PLCL1: variants seen among roughly 807,000 people sequenced by gnomAD.
The protein encoded by PLCL1 is inactive phospholipase C-like protein 1.
In PLCL1, 41 loss-of-function variants were observed where a neutral mutation model predicts 84.4. That is an observed-to-expected ratio of 0.49 (90% CI 0.38 to 0.63). The LOEUF is 0.63. Ranked by LOEUF, PLCL1 falls within the 30% of genes least tolerant of loss-of-function variation. PLCL1 has a pLI of 0.00. For synonymous variants in PLCL1, 490 were observed against 488.3 expected (o/e 1.00, Z -0.05); for missense variants, 1,206 against 1,367.8 (o/e 0.88, Z 1.87).
intron 1 of PLCL1, among the ~76,000 whole-genome samples, chr2:197,817,172 T>G (rs1399715264): frequency 6.6e-6 from 1 of 152,168 alleles, no homozygotes; most frequent in Non-Finnish European, 1.5e-5. Flanking sequence ...CTCTCTCTAG[T>G]ATTACAGCAC....
intron 1 of PLCL1, among the ~76,000 whole-genome samples, chr2:198,054,894 AG>A (rs1468474808): frequency 2.6e-5 from 4 of 152,230 alleles, no homozygotes; most frequent in Non-Finnish European, 5.9e-5. Context: ...ATGATCTCTG[AG>A]GGAGAGAAAT....
intron 1 of PLCL1, among the ~76,000 whole-genome samples, chr2:198,026,630 A>C (rs193083641): frequency 7.0e-4 from 106 of 152,338 alleles, no homozygotes; most frequent in Admixed American, 2.2e-3. Context: ...TATCCAATTT[A>C]TATAAGGAAC....
intron 1 of PLCL1, among the ~76,000 whole-genome samples, chr2:197,850,995 C>T (rs571147781): frequency 6.6e-6 from 1 of 152,300 alleles, no homozygotes; most frequent in South Asian, 2.1e-4. Flanking sequence ...CTAAGGAAGC[C>T]TACCTGTTTT....
chr2:197,965,922 C>A (rs1173882703), intron 1 of PLCL1, among the ~76,000 whole-genome samples: 1 of 151,990 alleles, frequency 6.6e-6, no homozygotes, highest in East Asian at 1.9e-4. Flanking sequence ...TCACCCAAGG[C>A]CCACAGCATG....
At chr2:197,967,836 A>G (rs112512092) in intron 1 of PLCL1, among the ~76,000 whole-genome samples, 4 of 152,242 alleles carry the variant, frequency 2.6e-5, no homozygotes, top group African/African-American at 7.2e-5. Flanking sequence ...AAACATGGAA[A>G]GAAATTATAT....
At chr2:198,066,836 G>A (rs546915027) in intron 1 of PLCL1, among the ~76,000 whole-genome samples, 2 of 152,192 alleles carry the variant, frequency 1.3e-5, no homozygotes, top group South Asian at 4.1e-4. Context: ...TGCCTAGCTT[G>A]TGTTAGTTCC....
At chr2:198,060,368 TAA>T (rs1260592230) in intron 1 of PLCL1, among the ~76,000 whole-genome samples, 2 of 152,240 alleles carry the variant, frequency 1.3e-5, no homozygotes, top group Admixed American at 1.3e-4. Context: ...GTCTCTGTGT[TAA>T]GTCATTACAG....
At chr2:197,996,838 C>A (rs185759194) in intron 1 of PLCL1, among the ~76,000 whole-genome samples, 1 of 152,230 alleles carries the variant, frequency 6.6e-6, no homozygotes, top group East Asian at 1.9e-4. Context: ...AGTAAAGCAA[C>A]CCAAATTGCA....
intron 1 of PLCL1, among the ~76,000 whole-genome samples, chr2:198,036,043 A>G (rs1691545319): frequency 6.6e-6 from 1 of 152,230 alleles, no homozygotes; most frequent in African/African-American, 2.4e-5. Context: ...TCTCAAAAAT[A>G]AAAAATGTAT....
intron 1 of PLCL1, among the ~76,000 whole-genome samples, chr2:197,952,930 T>A (rs763591458): frequency 6.6e-6 from 1 of 152,070 alleles, no homozygotes; most frequent in Non-Finnish European, 1.5e-5. Flanking sequence ...CCTATTTTCC[T>A]TTATAAGTTA....
At chr2:197,963,430 A>G (rs183987811) in intron 1 of PLCL1, among the ~76,000 whole-genome samples, 5 of 152,038 alleles carry the variant, frequency 3.3e-5, no homozygotes, top group Non-Finnish European at 7.4e-5. Context: ...TAAAAGTCAG[A>G]TTGTTAGATT....
intron 1 of PLCL1, among the ~76,000 whole-genome samples, chr2:197,951,777 C>T (rs1162650166): frequency 6.6e-6 from 1 of 152,114 alleles, no homozygotes; most frequent in African/African-American, 2.4e-5. Flanking sequence ...AGACTGTTGT[C>T]ATCAAAATAA....
intron 1 of PLCL1, among the ~76,000 whole-genome samples, chr2:197,870,233 G>A (rs559603852): frequency 1.3e-5 from 2 of 152,242 alleles, no homozygotes; most frequent in African/African-American, 4.8e-5. Flanking sequence ...GCTGCTTTTA[G>A]GGTGTTTGAT....
chr2:197,912,096 C>T (rs1469501170), intron 1 of PLCL1, among the ~76,000 whole-genome samples: 1 of 152,208 alleles, frequency 6.6e-6, no homozygotes, highest in Non-Finnish European at 1.5e-5. Context: ...TTAGCTATCA[C>T]ACGAGGTGAT....
Position 198,085,074 on chromosome 2 carries a change from ACCTTTGC to A in PLCL1, c.1561_1567del (p.Leu521GlnfsTer11). 6.2e-7 allele frequency: 1 copy of A among 1,614,066 alleles called. No homozygotes were observed. The highest frequency in any genetic ancestry group is 8.5e-7 in the Non-Finnish European group (1 of 1,179,952). On this transcript the variant is annotated frameshift_variant, in exon 2 of 6. Coordinates refer to ENST00000428675, the MANE Select transcript of PLCL1 (RefSeq NM_006226.4). LOFTEE classifies it high-confidence loss of function. This position sits in a 1 kb window ranked among gnomAD's most constrained non-coding sequence, Gnocchi z 5.3. The stretch of plus-strand genomic sequence containing the variant: ...TTGGCAATAAACTCTATACTGAAGC[ACCTTTGC>A]CCTCAGAATCCTACCTCCCATCACC...
chr2:197,861,942 T>C (rs1001775799), intron 1 of PLCL1, among the ~76,000 whole-genome samples: 2 of 152,206 alleles, frequency 1.3e-5, no homozygotes, highest in African/African-American at 4.8e-5. Flanking sequence ...GAAAAAGTAA[T>C]ATATTTAGCA....
intron 5 of PLCL1, among the ~76,000 whole-genome samples, chr2:198,138,958 C>G (rs1359063354): frequency 6.6e-6 from 1 of 152,032 alleles, no homozygotes; most frequent in East Asian, 1.9e-4. Context: ...GAGTTTGAGA[C>G]CAGCCTGACT....
intron 1 of PLCL1, among the ~76,000 whole-genome samples, chr2:197,850,049 C>G (rs896197539): frequency 6.6e-6 from 1 of 150,784 alleles, no homozygotes; most frequent in African/African-American, 2.4e-5. Flanking sequence ...CACACACACA[C>G]ACACACACAC....
At chr2:198,045,971 ACTG>A (rs1260946878) in intron 1 of PLCL1, among the ~76,000 whole-genome samples, 1 of 152,164 alleles carries the variant, frequency 6.6e-6, no homozygotes, top group Non-Finnish European at 1.5e-5. Context: ...GCAATCAAAA[ACTG>A]CTTGTTGAGT....
Sources: gnomAD v4.1 joint callset for allele counts (sites outside exome capture counted in the v4.1 genomes callset) on GRCh38, gnomAD v4.1.1 for gene constraint, Gnocchi (gnomAD v3.1) non-coding constraint, MANE v1.5 for transcripts, NCBI Gene and HGNC (gene_info 2026-07-23, HGNC 2026-07-21) for gene names.